DLGAP1: variants seen among roughly 807,000 people sequenced by gnomAD.
The protein encoded by DLGAP1 is DLG associated protein 1.
Under a neutral mutation model 90.8 loss-of-function variants are expected in DLGAP1, and 11 were observed. The ratio of observed to expected loss-of-function variants is 0.12; its 90% CI spans 0.08 to 0.20. The LOEUF is 0.20. Ranked by LOEUF, DLGAP1 falls within the 10% of genes least tolerant of loss-of-function variation. The pLI is 1.00. For missense variants in DLGAP1, 1,050 were observed against 1,333.8 expected (o/e 0.79, Z 3.31); for synonymous variants, 558 against 540.7 (o/e 1.03, Z -0.44).
chr18:3,886,305 A>G (rs1031688969), intron 3 of DLGAP1, among the ~76,000 whole-genome samples: 1 of 152,272 alleles, frequency 6.6e-6, no homozygotes, highest in Non-Finnish European at 1.5e-5. Flanking sequence ...GTACCTAGTC[A>G]TGTATATATT....
chr18:4,159,847 T>C (rs1447987498), intron 1 of DLGAP1, among the ~76,000 whole-genome samples: 1 of 152,070 alleles, frequency 6.6e-6, no homozygotes, highest in Non-Finnish European at 1.5e-5. Context: ...TGTTTGTACT[T>C]TTTTTTGGTC....
intron 4 of DLGAP1, chr18:3,874,289 C>A: frequency 6.5e-7 from 1 of 1,547,828 alleles, no homozygotes; most frequent in Non-Finnish European, 8.7e-7. Context: ...CTTGCTCTCT[C>A]TCTCGCTCCC....
intron 1 of DLGAP1, among the ~76,000 whole-genome samples, chr18:4,268,945 G>A (rs975850461): frequency 6.6e-6 from 1 of 152,064 alleles, no homozygotes; most frequent in Admixed American, 6.6e-5. Flanking sequence ...CTTTTATTCA[G>A]TATTGTGTTA....
rs148448753 is a variant in DLGAP1 at position 4,148,000 on chromosome 18, A to C, written c.-159+3180T>G. On this transcript the variant is annotated intron_variant, in intron 2 of 12. Coordinates refer to ENST00000315677, the MANE Select transcript of DLGAP1 (RefSeq NM_004746.4). ...AGAACAGGGGTGTCCGAGGGAGAGA[A>C]TACAGTTATGTGTTCTTAGTTTCTG... Among the ~76,000 whole-genome samples, 424 of 152,332 alleles carry C rather than the reference A, an allele frequency of 2.8e-3. 3 individuals are homozygous for C. Among genetic ancestry groups the C allele is most frequent in the South Asian group, 0.011 (55 of 4,828 alleles).
At chr18:3,552,892 C>G (rs2053554240) in intron 9 of DLGAP1, among the ~76,000 whole-genome samples, 1 of 152,048 alleles carries the variant, frequency 6.6e-6, no homozygotes, top group Admixed American at 6.5e-5. Context: ...TACTGGCTTT[C>G]GATTCAGCTT....
At chr18:4,183,207 C>T (rs936017032) in intron 1 of DLGAP1, among the ~76,000 whole-genome samples, 8 of 152,072 alleles carry the variant, frequency 5.3e-5, no homozygotes, top group Non-Finnish European at 1.0e-4. Flanking sequence ...ACTGTCAGTC[C>T]TTTTTGTGCA....
intron 1 of DLGAP1, among the ~76,000 whole-genome samples, chr18:4,412,225 G>A (rs915663110): frequency 5.9e-5 from 9 of 152,174 alleles, no homozygotes; most frequent in African/African-American, 1.9e-4. Flanking sequence ...GAGGGGGACT[G>A]TGAGATTTGC....
At chr18:4,155,710 A>G (rs1427473693) in intron 1 of DLGAP1, among the ~76,000 whole-genome samples, 4 of 152,098 alleles carry the variant, frequency 2.6e-5, no homozygotes, top group Admixed American at 2.0e-4. Context: ...AACATTAAAC[A>G]TGGTGGGCTG....
Position 3,499,215 on chromosome 18 carries a change from G to A in DLGAP1, c.2904C>T (p.Ile968=). 1 of 1,597,726 alleles carries A rather than the reference G, an allele frequency of 6.3e-7. No individual in the cohort carries two copies. Among genetic ancestry groups the A allele is most frequent in the African/African-American group, 1.3e-5 (1 of 74,220 alleles). Residue 968 remains isoleucine (I), a synonymous_variant, in exon 13 of 13, where the codon ATC becomes ATT. Coordinates refer to ENST00000315677, the MANE Select transcript of DLGAP1 (RefSeq NM_004746.4). The surrounding 1 kb of genome is among the most constrained non-coding windows in gnomAD (Gnocchi z 6.4). ...SATESAESIE[I]YIPEAQTRL is the part of the protein sequence containing the mutation. ...GCCGGGTCTGCGCCTCGGGGATGTAGATCTCGATGCTCTCGGCGCTCTCGG... is the reference window on the plus strand; with the variant it reads ...GCCGGGTCTGCGCCTCGGGGATGTAAATCTCGATGCTCTCGGCGCTCTCGG...
At chr18:3,655,823 C>A in intron 7 of DLGAP1, 1 of 412,902 alleles carries the variant, frequency 2.4e-6, no homozygotes, top group Non-Finnish European at 4.3e-6. Context: ...TGACGAGCAC[C>A]GGCTCCGAGG....
At chr18:4,180,407 C>T (rs940134743) in intron 1 of DLGAP1, among the ~76,000 whole-genome samples, 1 of 152,060 alleles carries the variant, frequency 6.6e-6, no homozygotes, top group African/African-American at 2.4e-5. Context: ...TACACTTTCC[C>T]AAAATTCCAC....
chr18:4,369,666 G>T (rs574198859), intron 1 of DLGAP1, among the ~76,000 whole-genome samples: 1 of 151,898 alleles, frequency 6.6e-6, no homozygotes, highest in Admixed American at 6.6e-5. Context: ...GGCTCTCGGG[G>T]AATAAAGAGG....
chr18:4,004,298 T>C (rs1005453792), intron 3 of DLGAP1, among the ~76,000 whole-genome samples: 2 of 152,186 alleles, frequency 1.3e-5, no homozygotes, highest in Non-Finnish European at 2.9e-5. Context: ...TGATTGTTTT[T>C]CTTTTCCTGT....
intron 7 of DLGAP1, among the ~76,000 whole-genome samples, chr18:3,631,138 G>A (rs902540725): frequency 6.6e-6 from 1 of 151,356 alleles, no homozygotes; most frequent in Non-Finnish European, 1.5e-5. Context: ...GTGCCAGCAC[G>A]CCCAGTTAAT....
chr18:3,926,007 C>T (rs2072373889), intron 3 of DLGAP1, among the ~76,000 whole-genome samples: 1 of 152,022 alleles, frequency 6.6e-6, no homozygotes, highest in African/African-American at 2.4e-5. Flanking sequence ...GGTTTGTTTT[C>T]CTGTTGAGGT....
At chr18:3,676,623 G>A (rs1385204350) in intron 7 of DLGAP1, among the ~76,000 whole-genome samples, 1 of 151,552 alleles carries the variant, frequency 6.6e-6, no homozygotes, top group Non-Finnish European at 1.5e-5. Context: ...CTGCCTTAAG[G>A]GAACCAAGGA....
At chr18:3,592,131 G>A (rs1222420994) in intron 7 of DLGAP1, among the ~76,000 whole-genome samples, 1 of 152,186 alleles carries the variant, frequency 6.6e-6, no homozygotes, top group Admixed American at 6.5e-5. Context: ...AAGAGCTGAA[G>A]AAAGAAGCCA....
intron 1 of DLGAP1, among the ~76,000 whole-genome samples, chr18:4,343,262 G>C (rs558480468): frequency 2.0e-5 from 3 of 150,200 alleles, no homozygotes; most frequent in Non-Finnish European, 3.0e-5. Context: ...AGCTGAGATC[G>C]TGCCACTGCA....
intron 1 of DLGAP1, among the ~76,000 whole-genome samples, chr18:4,424,695 T>C (rs752449572): frequency 5.9e-5 from 9 of 152,178 alleles, no homozygotes; most frequent in Non-Finnish European, 1.3e-4. Flanking sequence ...AGAAAAGTTA[T>C]TAATCACAAA....
Sources: allele counts gnomAD v4.1 joint callset (sites outside exome capture counted in the v4.1 genomes callset), GRCh38; gene constraint gnomAD v4.1.1; non-coding constraint Gnocchi (gnomAD v3.1); transcripts MANE v1.5; gene names NCBI Gene and HGNC (gene_info 2026-07-23, HGNC 2026-07-21).